The following INPP5A variants were observed in gnomAD, a reference collection of about 807,000 sequenced individuals.
The protein encoded by INPP5A is 43 kDa inositol polyphosphate 5-phophatase.
INPP5A carries 14 observed loss-of-function variants against 65.2 expected under a neutral mutation model. The ratio of observed to expected loss-of-function variants is 0.21; its 90% confidence interval spans 0.14 to 0.34. The LOEUF (loss-of-function observed/expected upper bound fraction) is 0.34, where lower values mean the gene tolerates loss of function less well. INPP5A is among the 10% of genes least tolerant of loss of function. INPP5A has a pLI of 1.00. For missense variants in INPP5A, 431 were observed against 545.6 expected (o/e 0.79, Z 2.09); for synonymous variants, 207 against 208.3 (o/e 0.99, Z 0.05).
At chr10:132,767,885 C>A (rs1472030028) in intron 12 of INPP5A, among the ~76,000 whole-genome samples, 1 of 121,968 alleles carries the variant, frequency 8.2e-6, no homozygotes, top group African/African-American at 3.1e-5. Flanking sequence ...CACCCAATGG[C>A]ATTCCAGAAA....
chr10:132,736,010 G>A (rs1323097389), intron 9 of INPP5A, among the ~76,000 whole-genome samples: 2 of 152,242 alleles, frequency 1.3e-5, no homozygotes, highest in African/African-American at 4.8e-5. Context: ...GCAGCCTCCT[G>A]TGTTTCAGAT....
Position 132,670,282 on chromosome 10 carries a change from G to A in INPP5A, c.306+19777G>A, listed in dbSNP as rs1283517025. Among the ~76,000 whole-genome samples the A allele has an allele frequency of 6.2e-5, 5 of 80,990 alleles. No individual in the cohort carries two copies. In the Admixed American group the frequency reaches 7.6e-4, roughly 12 times the overall value. 53.1% of individuals were successfully genotyped at this position (80,990 alleles called of 152,430 possible). The stretch of plus-strand genomic sequence containing the variant: ...CCACACCCCTGACCCCACATCCTCT[G>A]CATACTCCCAGAACCCACACCTGAC... On this transcript the variant is annotated intron_variant, in intron 4 of 15. Transcript: ENST00000368594.
In INPP5A at chr10:132,545,364, C is replaced by T. The variant is rs1590817923; in HGVS notation, c.75+7193C>T. Among the ~76,000 whole-genome samples, 1 of 152,268 alleles carries T rather than the reference C, an allele frequency of 6.6e-6. No homozygotes were observed. Among genetic ancestry groups the T allele is most frequent in the East Asian group, 1.9e-4 (1 of 5,170 alleles). ...GAAGACTTTGACCAGATCGGGGCGG[C>T]TGAGGGGGCTGCCTACGGCAGGAGA... On this transcript the variant is annotated intron_variant, in intron 1 of 15. Coordinates refer to ENST00000368594, the MANE Select transcript of INPP5A (RefSeq NM_005539.5). This position sits in a 1 kb window ranked among gnomAD's most constrained non-coding sequence, Gnocchi z 4.6.
chr10:132,629,767 G>C (rs1409794275), intron 2 of INPP5A, among the ~76,000 whole-genome samples: 1 of 152,220 alleles, frequency 6.6e-6, no homozygotes, highest in African/African-American at 2.4e-5. Context: ...CTCCGGGGAA[G>C]CTGTCCTCCA....
At chr10:132,780,349 C>G (rs1565016800) in intron 13 of INPP5A, among the ~76,000 whole-genome samples, 1 of 152,132 alleles carries the variant, frequency 6.6e-6, no homozygotes, top group Admixed American at 6.5e-5. Flanking sequence ...AATTCGGTGT[C>G]TGTTCTCGTT....
At chr10:132,712,071 G>T (rs1241275915) in intron 8 of INPP5A, among the ~76,000 whole-genome samples, 3 of 152,222 alleles carry the variant, frequency 2.0e-5, no homozygotes, top group Admixed American at 6.5e-5. Flanking sequence ...ACTGTGTGGA[G>T]CACATTTCTA....
chr10:132,725,356 C>T (rs182527631), intron 8 of INPP5A, among the ~76,000 whole-genome samples: 96 of 152,304 alleles, frequency 6.3e-4, no homozygotes, highest in African/African-American at 2.1e-3. Context: ...CAGTGCAGAG[C>T]GGGTCCACAG....
At chr10:132,632,443 T>C (rs2072288247) in intron 2 of INPP5A, among the ~76,000 whole-genome samples, 1 of 152,212 alleles carries the variant, frequency 6.6e-6, no homozygotes, top group Non-Finnish European at 1.5e-5. Flanking sequence ...TGAGCCTGGA[T>C]GCCAGCATTG....
chr10:132,703,529 A>G (rs113383362), intron 6 of INPP5A, among the ~76,000 whole-genome samples: 3,117 of 130,206 alleles, frequency 0.024, 50 homozygotes, highest in Admixed American at 0.045. Flanking sequence ...ACACACTCAC[A>G]TTTACCCATA....
intron 1 of INPP5A, among the ~76,000 whole-genome samples, chr10:132,600,691 A>G (rs754120330): frequency 6.6e-5 from 10 of 152,204 alleles, no homozygotes; most frequent in Non-Finnish European, 1.0e-4. Flanking sequence ...CTGGGAAGAA[A>G]AAGAGGTTTA....
chr10:132,714,810 C>CCAGT (rs1272575677), intron 8 of INPP5A, among the ~76,000 whole-genome samples: 1 of 152,074 alleles, frequency 6.6e-6, no homozygotes, highest in Non-Finnish European at 1.5e-5. Context: ...ACCACCACAG[C>CCAGT]CAGTCACAGG....
chr10:132,564,101 C>A (rs2071241547), intron 1 of INPP5A, among the ~76,000 whole-genome samples: 1 of 152,192 alleles, frequency 6.6e-6, no homozygotes. Flanking sequence ...GTTCAGGAGC[C>A]TGCTGCTGCT....
intron 1 of INPP5A, among the ~76,000 whole-genome samples, chr10:132,560,259 T>C (rs890844600): frequency 1.3e-5 from 2 of 152,188 alleles, no homozygotes; most frequent in Non-Finnish European, 2.9e-5. Context: ...TGGGTCACGA[T>C]GTGTCTTCAG....
intron 1 of INPP5A, among the ~76,000 whole-genome samples, chr10:132,562,575 G>A (rs970965682): frequency 2.0e-5 from 3 of 152,212 alleles, no homozygotes; most frequent in Non-Finnish European, 2.9e-5. Context: ...TGCCGCCTGC[G>A]GCTCCCAGCA....
intron 1 of INPP5A, among the ~76,000 whole-genome samples, chr10:132,560,468 T>G (rs1194091933): frequency 1.3e-5 from 2 of 152,156 alleles, no homozygotes; most frequent in African/African-American, 4.8e-5. Flanking sequence ...TCCTGGTGGG[T>G]GTGCAGTGGT....
At position 132,704,768 on chromosome 10, in the gene INPP5A, G is replaced by A. The variant is rs530957319; in HGVS notation, c.475-3545G>A. 1.3e-5 allele frequency among the ~76,000 whole-genome samples: 2 copies of A among 152,258 alleles called. No individual in the cohort carries two copies. Among genetic ancestry groups the A allele is most frequent in the Admixed American group, 6.5e-5 (1 of 15,298 alleles). The stretch of plus-strand genomic sequence containing the variant: ...GGAAGGGCGTCTAGTCAGGCAGCAG[G>A]CAGCTCCTCTGGAGTGTGGAGGATG... On this transcript the variant is annotated intron_variant, in intron 6 of 15. Coordinates refer to ENST00000368594, the MANE Select transcript of INPP5A (RefSeq NM_005539.5). The surrounding 1 kb of genome is among the most constrained non-coding windows in gnomAD (Gnocchi z 4.5).
In INPP5A at chr10:132,627,908, C is replaced by T. The variant is rs961475798; in HGVS notation, c.118-17960C>T. On this transcript the variant is annotated intron_variant, in intron 2 of 15. Transcript: ENST00000368594. The surrounding 1 kb of genome is among the most constrained non-coding windows in gnomAD (Gnocchi z 6.6). The stretch of plus-strand genomic sequence containing the variant: ...GGTGCCCAGGCTGGAGTGGCGGCGT[C>T]GGGTGTGGAGAGAAACTGGAGATAA... Among the ~76,000 whole-genome samples the T allele has an allele frequency of 9.9e-5, 15 of 151,954 alleles. No homozygotes were observed. Among genetic ancestry groups the T allele is most frequent in the African/African-American group, 3.1e-4 (13 of 41,354 alleles).
chr10:132,739,289 C>T (rs1162449849), intron 9 of INPP5A, among the ~76,000 whole-genome samples: 3 of 152,230 alleles, frequency 2.0e-5, no homozygotes, highest in African/African-American at 7.2e-5. Flanking sequence ...GTCCTTGGTG[C>T]CTGCCACCCT....
At chr10:132,685,396 G>T (rs1263947725) in intron 4 of INPP5A, among the ~76,000 whole-genome samples, 2 of 152,400 alleles carry the variant, frequency 1.3e-5, no homozygotes, top group South Asian at 2.1e-4. Context: ...CATGGGCACT[G>T]CTTGTGCATT....
Sources: gnomAD v4.1 joint callset for allele counts (sites outside exome capture counted in the v4.1 genomes callset) on GRCh38, gnomAD v4.1.1 for gene constraint, Gnocchi (gnomAD v3.1) non-coding constraint, MANE v1.5 for transcripts, NCBI Gene and HGNC (gene_info 2026-07-23, HGNC 2026-07-21) for gene names.